NAT1: variants seen among roughly 807,000 people sequenced by gnomAD.
The protein encoded by NAT1 is N-acetyltransferase 1, also known as arylamine N-acetyltransferase 1.
For missense variants in NAT1, 400 were observed against 339.2 expected (o/e 1.18, Z -1.41); for synonymous variants, 144 against 122.6 (o/e 1.17, Z -1.16).
chr8:18,207,712 C>A (rs1803785205), upstream of NAT1, among the ~76,000 whole-genome samples: 1 of 152,192 alleles, frequency 6.6e-6, no homozygotes, highest in Non-Finnish European at 1.5e-5. Context: ...TGTGGCAATT[C>A]CTCAAAGTCC....
chr8:18,212,927 C>CAG (rs1804246856), intron 1 of NAT1, among the ~76,000 whole-genome samples: 1 of 149,658 alleles, frequency 6.7e-6, no homozygotes. Context: ...TTTTTTCAGA[C>CAG]AGAGTCTCAC....
chr8:18,221,594 C>A (rs1430235916), intron 2 of NAT1, among the ~76,000 whole-genome samples: 1 of 152,102 alleles, frequency 6.6e-6, no homozygotes, highest in Non-Finnish European at 1.5e-5. Context: ...CAATACAGTT[C>A]TTTGAGCGGG....
upstream of NAT1, among the ~76,000 whole-genome samples, chr8:18,207,908 A>G (rs993415190): frequency 2.6e-5 from 4 of 152,252 alleles, no homozygotes; most frequent in African/African-American, 7.2e-5. Context: ...ACTGTGGTAC[A>G]TATAGACCAT....
rs181438574 is a variant in NAT1 at position 18,179,193 on chromosome 8, A to C, written n.92+8454A>C. Among the ~76,000 whole-genome samples, 562 of 152,204 alleles carry C rather than the reference A, an allele frequency of 3.7e-3. 2 individuals carry two copies. The highest frequency in any genetic ancestry group is 9.7e-3 in the African/African-American group (405 of 41,544). On this transcript the variant is annotated intron_variant and non_coding_transcript_variant, in intron 2 of 4. Transcript: ENST00000517441. The stretch of plus-strand genomic sequence containing the variant: ...TGCCTAAAACATTGGGAAAATCTCC[A>C]TGGTGGGGATTGTGTCTTAGTCGTT...
chr8:18,190,691 C>T (rs1432710100), intron 2 of NAT1, among the ~76,000 whole-genome samples: 2 of 152,138 alleles, frequency 1.3e-5, no homozygotes, highest in Non-Finnish European at 2.9e-5. Context: ...TGCCTTCTGT[C>T]TTGGACAAAG....
At chr8:18,187,768 C>T (rs2117244266) in intron 2 of NAT1, among the ~76,000 whole-genome samples, 1 of 151,976 alleles carries the variant, frequency 6.6e-6, no homozygotes, top group Middle Eastern at 3.4e-3. Context: ...TGCATATTAC[C>T]CGGGTGATGA....
At chr8:18,203,059 T>A (rs1803545260) in intron 2 of NAT1, among the ~76,000 whole-genome samples, 1 of 152,164 alleles carries the variant, frequency 6.6e-6, no homozygotes. Flanking sequence ...GCATTTACAA[T>A]CCTTTAGCTA....
chr8:18,205,200 G>A (rs1487035217), upstream of NAT1, among the ~76,000 whole-genome samples: 6 of 152,220 alleles, frequency 3.9e-5, no homozygotes, highest in Admixed American at 6.5e-5. Flanking sequence ...TAGGTTGCAC[G>A]CTTGTCAGCT....
chr8:18,196,085 C>A (rs1406562230), intron 2 of NAT1, among the ~76,000 whole-genome samples: 1 of 151,942 alleles, frequency 6.6e-6, no homozygotes, highest in Non-Finnish European at 1.5e-5. Context: ...AAATATACAG[C>A]AATTTCAAAA....
At position 18,187,754 on chromosome 8, in the gene NAT1, A is replaced by T. The variant is rs1186476329; in HGVS notation, n.92+17015A>T. 2.0e-5 allele frequency among the ~76,000 whole-genome samples: 3 copies of T among 152,206 alleles called. No individual in the cohort carries two copies. The South Asian group carries it at 6.2e-4, about 32-fold the overall frequency. ...GGATAAGGAAAAATACCTGTAGGGT[A>T]CTATGCATATTACCCGGGTGATGAA... On this transcript the variant is annotated intron_variant and non_coding_transcript_variant, in intron 2 of 4. Transcript: ENST00000517441.
At chr8:18,207,755 C>G (rs928004379), upstream of NAT1, among the ~76,000 whole-genome samples, 1 of 152,172 alleles carries the variant, frequency 6.6e-6, no homozygotes, top group African/African-American at 2.4e-5. Flanking sequence ...CCCATCAATC[C>G]CATTCCTGGG....
At chr8:18,175,629 G>A (rs1398076979) in intron 2 of NAT1, among the ~76,000 whole-genome samples, 2 of 152,012 alleles carry the variant, frequency 1.3e-5, no homozygotes, top group African/African-American at 4.8e-5. Flanking sequence ...GACCACTTAT[G>A]TTGCTTCCAT....
chr8:18,222,350 C>A lies in NAT1; in HGVS notation c.303C>A (p.Tyr101Ter). 6.2e-7 allele frequency: 1 copy of A among 1,614,102 alleles called. No individual in the cohort carries two copies. The highest frequency in any genetic ancestry group is 2.2e-5 in the East Asian group (1 of 44,868). ...TTTACAGCACTCCAGCCAAAAAATA[C>A]AGCACTGGCATGATTCACCTTCTCC... ...GYVYSTPAKK[Y>*]STGMIHLLLQ... The change falls in exon 3 of 3, where the codon TAC becomes TAA. Residue 101 changes from tyrosine to a stop codon, truncating the protein, a stop_gained. Transcript: ENST00000307719. LOFTEE classifies it low-confidence loss of function (END_TRUNC).
At chr8:18,189,297 T>A (rs1458582100) in intron 2 of NAT1, among the ~76,000 whole-genome samples, 1 of 152,128 alleles carries the variant, frequency 6.6e-6, no homozygotes, top group East Asian at 1.9e-4. Flanking sequence ...ATAACGTTTA[T>A]TGATCAGGCA....
intron 2 of NAT1, among the ~76,000 whole-genome samples, chr8:18,198,477 G>C (rs936617117): frequency 6.6e-6 from 1 of 152,144 alleles, no homozygotes; most frequent in Non-Finnish European, 1.5e-5. Context: ...AGTATCAAGA[G>C]CTCTCAGTAG....
chr8:18,212,649 A>T (rs1563185167), intron 1 of NAT1: 1 of 152,472 alleles, frequency 6.6e-6, no homozygotes, highest in East Asian at 1.9e-4. Flanking sequence ...AAAGGAGGGC[A>T]AAGCAGCTTC....
At chr8:18,200,318 TA>T (rs71217306) in intron 2 of NAT1, among the ~76,000 whole-genome samples, 91,856 of 151,702 alleles carry the variant, frequency 0.61, 29,347 homozygotes, top group Non-Finnish European at 0.71. Flanking sequence ...TAGACTGGAT[TA>T]AAAAAAAATA....
At chr8:18,214,059 C>T (rs866623947) in intron 1 of NAT1, among the ~76,000 whole-genome samples, 43 of 152,180 alleles carry the variant, frequency 2.8e-4, no homozygotes, top group African/African-American at 6.3e-4. Context: ...GTGATCCGCC[C>T]GCCTCGGCTT....
At chr8:18,175,252 G>A (rs898178949) in intron 2 of NAT1, among the ~76,000 whole-genome samples, 1 of 151,752 alleles carries the variant, frequency 6.6e-6, no homozygotes, top group Non-Finnish European at 1.5e-5. Context: ...TAGCAATTAT[G>A]AAATATACAT....
Sources: allele counts gnomAD v4.1 joint callset (sites outside exome capture counted in the v4.1 genomes callset), GRCh38; gene constraint gnomAD v4.1.1; transcripts MANE v1.5; gene names NCBI Gene and HGNC (gene_info 2026-07-23, HGNC 2026-07-21).